Variants in GLIS3 observed in about 807,000 individuals in gnomAD.
GLIS3 encodes GLIS family zinc finger 3.
In GLIS3, 53 loss-of-function variants were observed where a neutral mutation model predicts 78.6. That is an observed-to-expected ratio of 0.67 (90% CI 0.54 to 0.85). The LOEUF is 0.85. GLIS3 is among the 40% of genes least tolerant of loss of function. The pLI, the probability that GLIS3 is intolerant of heterozygous loss-of-function variation, is 0.00. For missense variants in GLIS3, 1,703 were observed against 1,231.1 expected (o/e 1.38, Z -5.74); for synonymous variants, 684 against 509.9 (o/e 1.34, Z -4.60).
intron 8 of GLIS3, among the ~76,000 whole-genome samples, chr9:3,875,000 T>G (rs1165359300): frequency 6.6e-6 from 1 of 152,178 alleles, no homozygotes; most frequent in Non-Finnish European, 1.5e-5. Context: ...TTGTAAAAGA[T>G]GAGCAAACAC....
chr9:4,263,701 C>G (rs571493591), intron 2 of GLIS3, among the ~76,000 whole-genome samples: 2 of 152,312 alleles, frequency 1.3e-5, no homozygotes, highest in South Asian at 4.1e-4. Flanking sequence ...CTTCATCTTC[C>G]CCAATGCAAT....
At chr9:4,401,086 T>C in the GLIS3 span, among the ~76,000 whole-genome samples, 1 of 152,242 alleles carries the variant, frequency 6.6e-6, no homozygotes, top group East Asian at 1.9e-4. Context: ...TCAGCCACAG[T>C]AGGACGAGCA....
the GLIS3 span, among the ~76,000 whole-genome samples, chr9:4,376,418 T>A: frequency 7.3e-6 from 1 of 137,560 alleles, no homozygotes; most frequent in Non-Finnish European, 1.6e-5. Context: ...GTAGAATCTA[T>A]ATGCTCTCTT....
the GLIS3 span, among the ~76,000 whole-genome samples, chr9:4,470,598 G>A: frequency 1.3e-5 from 2 of 152,074 alleles, no homozygotes; most frequent in East Asian, 1.9e-4. Context: ...TTGATGGGAC[G>A]TATCTCAAAA....
At chr9:4,174,413 T>C (rs1364543669) in intron 2 of GLIS3, among the ~76,000 whole-genome samples, 3 of 152,208 alleles carry the variant, frequency 2.0e-5, no homozygotes, top group Non-Finnish European at 4.4e-5. Context: ...GAATGTGGTA[T>C]ACAAAAAAAT....
the GLIS3 span, among the ~76,000 whole-genome samples, chr9:4,396,280 G>A: frequency 6.6e-6 from 1 of 151,986 alleles, no homozygotes; most frequent in Admixed American, 6.6e-5. Flanking sequence ...GCCTAGCTAA[G>A]TTTTCGTTTT....
At chr9:4,425,070 T>C in the GLIS3 span, among the ~76,000 whole-genome samples, 916 of 151,950 alleles carry the variant, frequency 6.0e-3, 14 homozygotes, top group African/African-American at 0.021. Context: ...AGCTGAGGAG[T>C]CATCCTGGAT....
intron 2 of GLIS3, among the ~76,000 whole-genome samples, chr9:4,272,922 A>C (rs1215596794): frequency 6.6e-6 from 1 of 152,218 alleles, no homozygotes; most frequent in Non-Finnish European, 1.5e-5. Context: ...TTGTACAACA[A>C]ATTATATGAT....
intron 4 of GLIS3, among the ~76,000 whole-genome samples, chr9:4,307,963 A>T (rs183012851): frequency 2.6e-5 from 4 of 152,310 alleles, no homozygotes; most frequent in African/African-American, 9.6e-5. Flanking sequence ...GTAACTTGTG[A>T]CAGCAGCAAC....
At chr9:3,880,000 C>G (rs908387254) in intron 7 of GLIS3, among the ~76,000 whole-genome samples, 3 of 152,188 alleles carry the variant, frequency 2.0e-5, no homozygotes, top group East Asian at 1.9e-4. Flanking sequence ...CAGCACAGGC[C>G]TTCTTCCTCT....
intron 5 of GLIS3, among the ~76,000 whole-genome samples, chr9:3,934,955 T>C (rs1372017205): frequency 1.3e-5 from 2 of 152,220 alleles, no homozygotes; most frequent in Admixed American, 6.5e-5. Context: ...ACCTGTACTG[T>C]ACAATTACTG....
At chr9:4,182,075 T>C (rs1031891391) in intron 2 of GLIS3, among the ~76,000 whole-genome samples, 3 of 152,252 alleles carry the variant, frequency 2.0e-5, no homozygotes, top group Non-Finnish European at 4.4e-5. Flanking sequence ...AGTACACCTA[T>C]GTTGAGCTAT....
intron 2 of GLIS3, among the ~76,000 whole-genome samples, chr9:4,132,020 C>A (rs770704539): frequency 6.7e-6 from 1 of 149,942 alleles, no homozygotes; most frequent in Non-Finnish European, 1.5e-5. Context: ...AATATTCTTT[C>A]TGCTTTAAGT....
At chr9:3,920,143 A>T (rs1463067031) in intron 6 of GLIS3, among the ~76,000 whole-genome samples, 1 of 151,674 alleles carries the variant, frequency 6.6e-6, no homozygotes, top group Non-Finnish European at 1.5e-5. Context: ...AGCTGGGACT[A>T]CAGGCGCCCG....
intron 4 of GLIS3, among the ~76,000 whole-genome samples, chr9:3,937,698 C>T (rs777725364): frequency 2.0e-5 from 3 of 152,082 alleles, no homozygotes; most frequent in Non-Finnish European, 4.4e-5. Flanking sequence ...TCAATATGAT[C>T]ATAAATTTCC....
chr9:4,151,885 A>C (rs142125834), intron 2 of GLIS3, among the ~76,000 whole-genome samples: 1 of 152,208 alleles, frequency 6.6e-6, no homozygotes, highest in East Asian at 1.9e-4. Context: ...TTTGAGGTTG[A>C]GACCCTCAGT....
intron 6 of GLIS3, among the ~76,000 whole-genome samples, chr9:3,931,416 G>C (rs1459106302): frequency 1.3e-5 from 2 of 152,102 alleles, no homozygotes; most frequent in Non-Finnish European, 2.9e-5. Context: ...CCTTGCCATG[G>C]GGTTCAATCA....
At chr9:4,184,025 A>G (rs569815781) in intron 2 of GLIS3, among the ~76,000 whole-genome samples, 1 of 152,224 alleles carries the variant, frequency 6.6e-6, no homozygotes, top group African/African-American at 2.4e-5. Flanking sequence ...GAAATCAATG[A>G]GGAACATGAA....
the GLIS3 span, among the ~76,000 whole-genome samples, chr9:4,462,230 G>A: frequency 6.6e-6 from 1 of 152,174 alleles, no homozygotes; most frequent in African/African-American, 2.4e-5. Flanking sequence ...TTCAATGTAT[G>A]ATCTGTAAAC....
Sources: gnomAD v4.1 joint callset for allele counts (sites outside exome capture counted in the v4.1 genomes callset) on GRCh38, gnomAD v4.1.1 for gene constraint, MANE v1.5 for transcripts, NCBI Gene and HGNC (gene_info 2026-07-23, HGNC 2026-07-21) for gene names.